Variants in PRKCA observed in about 807,000 individuals in gnomAD.
PRKCA encodes the protein protein kinase C alpha type.
Under a neutral mutation model 87.0 loss-of-function variants are expected in PRKCA, and 27 were observed. That is an observed-to-expected ratio of 0.31 (90% CI 0.23 to 0.43). PRKCA has a LOEUF of 0.43. Among genes scored for constraint, PRKCA ranks in the 20% least tolerant of loss-of-function variants. The probability of loss-of-function intolerance (pLI) is 1.00; values close to 1 mark genes in which losing one functional copy is unlikely to be tolerated. For synonymous variants in PRKCA, 329 were observed against 311.1 expected (o/e 1.06, Z -0.61); for missense variants, 518 against 852.3 (o/e 0.61, Z 4.88).
intron 14 of PRKCA, among the ~76,000 whole-genome samples, chr17:66,785,037 C>T (rs978546178): frequency 6.6e-6 from 1 of 152,228 alleles, no homozygotes; most frequent in Admixed American, 6.5e-5. Context: ...ACACCAAGCA[C>T]TTACAACAGA....
chr17:66,543,369 A>G (rs1483997924), intron 3 of PRKCA, among the ~76,000 whole-genome samples: 1 of 152,184 alleles, frequency 6.6e-6, no homozygotes, highest in Non-Finnish European at 1.5e-5. Flanking sequence ...TATTATTTAT[A>G]TAATGAGATA....
At chr17:66,369,373 TGGGGAGGAGGAGGGACCTG>T (rs1046317317) in intron 2 of PRKCA, among the ~76,000 whole-genome samples, 13 of 152,078 alleles carry the variant, frequency 8.5e-5, no homozygotes, top group South Asian at 6.2e-4. Context: ...GGGTGGCACC[TGGGGAGGAGGAGGGACCTG>T]GGGGAGGAGG....
intron 2 of PRKCA, among the ~76,000 whole-genome samples, chr17:66,333,569 T>C (rs1448687429): frequency 3.3e-5 from 5 of 152,190 alleles, no homozygotes; most frequent in Middle Eastern, 3.2e-3. Context: ...TAACTAGTTT[T>C]CAAGTTCTGT....
intron 3 of PRKCA, among the ~76,000 whole-genome samples, chr17:66,548,432 T>C (rs796381275): frequency 1.3e-5 from 2 of 152,258 alleles, no homozygotes; most frequent in African/African-American, 2.4e-5. Context: ...TCAACACACA[T>C]GCCTAAAGGA....
chr17:66,433,193 G>A (rs966078357), intron 2 of PRKCA, among the ~76,000 whole-genome samples: 2 of 152,178 alleles, frequency 1.3e-5, no homozygotes, highest in Admixed American at 1.3e-4. Flanking sequence ...TTGGAAGGCC[G>A]TGTATACCTC....
At chr17:66,779,367 A>G (rs562798201) in intron 14 of PRKCA, among the ~76,000 whole-genome samples, 9 of 151,884 alleles carry the variant, frequency 5.9e-5, no homozygotes, top group African/African-American at 2.2e-4. Context: ...TGGGGCATAA[A>G]TAGTGTTTAC....
chr17:66,442,299 C>T (rs1258408481), intron 2 of PRKCA, among the ~76,000 whole-genome samples: 1 of 151,656 alleles, frequency 6.6e-6, no homozygotes, highest in East Asian at 1.9e-4. Context: ...TCAAGTGATC[C>T]ACCCACCCAG....
chr17:66,474,532 A>G (rs1295662794), intron 2 of PRKCA, among the ~76,000 whole-genome samples: 2 of 152,216 alleles, frequency 1.3e-5, no homozygotes, highest in Non-Finnish European at 1.5e-5. Flanking sequence ...GAGTTTAATC[A>G]TTGTAATGAA....
chr17:66,508,455 C>G (rs931022513), intron 3 of PRKCA, among the ~76,000 whole-genome samples: 1 of 152,180 alleles, frequency 6.6e-6, no homozygotes, highest in Non-Finnish European at 1.5e-5. Flanking sequence ...CACTCTGCTC[C>G]TGATGTTGGG....
chr17:66,685,798 G>T (rs184717980), intron 5 of PRKCA, among the ~76,000 whole-genome samples: 4 of 152,276 alleles, frequency 2.6e-5, no homozygotes, highest in Admixed American at 2.6e-4. Flanking sequence ...AAGTTCTTCT[G>T]TAATTCTTAA....
intron 3 of PRKCA, among the ~76,000 whole-genome samples, chr17:66,530,643 G>A (rs1156410128): frequency 6.6e-6 from 1 of 152,088 alleles, no homozygotes; most frequent in Non-Finnish European, 1.5e-5. Context: ...TTTTCTTATT[G>A]CTGTTAGGGG....
intron 2 of PRKCA, among the ~76,000 whole-genome samples, chr17:66,341,289 C>T (rs898909991): frequency 4.6e-5 from 7 of 152,212 alleles, no homozygotes; most frequent in Admixed American, 3.9e-4. Context: ...TAAGTAAGCT[C>T]TTCAAAATCA....
At chr17:66,642,151 A>G (rs946659100) in intron 4 of PRKCA, among the ~76,000 whole-genome samples, 10 of 150,610 alleles carry the variant, frequency 6.6e-5, no homozygotes, top group African/African-American at 2.2e-4. Context: ...TTTTTTGGAG[A>G]CGGAGTCTCA....
intron 2 of PRKCA, among the ~76,000 whole-genome samples, chr17:66,333,529 A>G (rs1163815296): frequency 1.3e-5 from 2 of 152,154 alleles, no homozygotes; most frequent in Admixed American, 6.5e-5. Context: ...TACATTCTTT[A>G]TCAGTTGTTG....
At chr17:66,681,520 T>C (rs1397517206) in intron 5 of PRKCA, among the ~76,000 whole-genome samples, 1 of 152,146 alleles carries the variant, frequency 6.6e-6, no homozygotes, top group Non-Finnish European at 1.5e-5. Flanking sequence ...TTAGTAATAA[T>C]AGCAAGTATA....
At chr17:66,397,968 A>G (rs780776598) in intron 2 of PRKCA, 1 of 152,212 alleles carries the variant, frequency 6.6e-6, no homozygotes, top group Non-Finnish European at 1.5e-5. Context: ...GGGAGCTGGC[A>G]TCTACCATCA....
chr17:66,488,107 A>G (rs570307647), intron 2 of PRKCA, among the ~76,000 whole-genome samples: 2 of 152,192 alleles, frequency 1.3e-5, no homozygotes, highest in South Asian at 4.2e-4. Flanking sequence ...CTCAGATTGC[A>G]AGTCCCCAAG....
intron 14 of PRKCA, chr17:66,777,691 G>A: frequency 1.0e-6 from 1 of 985,326 alleles, no homozygotes. Flanking sequence ...CAGCTCTTGA[G>A]TCTGGAAAAC....
At chr17:66,345,141 A>C (rs1295899228) in intron 2 of PRKCA, among the ~76,000 whole-genome samples, 1 of 151,948 alleles carries the variant, frequency 6.6e-6, no homozygotes, top group Non-Finnish European at 1.5e-5. Flanking sequence ...TTTCTTAGGA[A>C]CTCTTATACC....
Sources: gnomAD v4.1 joint callset for allele counts (sites outside exome capture counted in the v4.1 genomes callset) on GRCh38, gnomAD v4.1.1 for gene constraint, MANE v1.5 for transcripts, NCBI Gene and HGNC (gene_info 2026-07-23, HGNC 2026-07-21) for gene names.